The following ANTXR2 variants were observed in gnomAD, a reference collection of about 807,000 sequenced individuals.
ANTXR2 encodes anthrax toxin receptor 2.
ANTXR2 carries 44 observed loss-of-function variants against 73.7 expected under a neutral mutation model. The ratio of observed to expected loss-of-function variants is 0.60; its 90% confidence interval spans 0.47 to 0.77. The LOEUF (loss-of-function observed/expected upper bound fraction) is 0.77. Among genes scored for constraint, ANTXR2 ranks in the 30% least tolerant of loss-of-function variants. The pLI is 0.00. For synonymous variants in ANTXR2, 217 were observed against 205.9 expected (o/e 1.05, Z -0.46); for missense variants, 604 against 592.5 (o/e 1.02, Z -0.20).
Position 79,904,048 on chromosome 4 carries a change from T to C in ANTXR2, c.*3381A>G, listed in dbSNP as rs1726815588. 6.6e-6 allele frequency: 1 copy of C among 152,122 alleles called. No individual in the cohort carries two copies. The highest frequency in any genetic ancestry group is 1.5e-5 in the Non-Finnish European group (1 of 67,984). The allele number at this position is 152,122 out of a possible 1,614,324, so 9.4% of individuals were successfully genotyped here. A position where few individuals can be genotyped will look rare whatever the true frequency, so the allele number is the denominator to read the frequency against. The stretch of plus-strand genomic sequence containing the variant: ...GCCTTCTTAAATTTCAAAAATAACA[T>C]ATATAAGCTGGTCTATCAAAATGTT... On this transcript the variant is annotated 3_prime_UTR_variant, in exon 17 of 17. Coordinates refer to ENST00000403729, the MANE Select transcript of ANTXR2 (RefSeq NM_058172.6).
chr4:80,013,331 C>T (rs571895464), intron 11 of ANTXR2, among the ~76,000 whole-genome samples: 41 of 152,268 alleles, frequency 2.7e-4, no homozygotes, highest in African/African-American at 9.6e-4. Context: ...TTGTGAGAGA[C>T]GGGCAATAAG....
intron 12 of ANTXR2, 116 bp from the exon 13 acceptor site, chr4:79,984,979 G>T: frequency 1.3e-6 from 1 of 767,128 alleles, no homozygotes; most frequent in Non-Finnish European, 2.1e-6. Context: ...GTCCCTCACT[G>T]AAGCTTGCCA....
intron 7 of ANTXR2, among the ~76,000 whole-genome samples, chr4:80,052,838 A>G (rs1217436400): frequency 1.3e-5 from 2 of 151,674 alleles, no homozygotes; most frequent in African/African-American, 4.8e-5. Flanking sequence ...TCCAACAAAC[A>G]TAATAAAACA....
Position 80,041,937 on chromosome 4 carries a change from A to G in ANTXR2, c.637-5905T>C, listed in dbSNP as rs186562534. Among the ~76,000 whole-genome samples, 374 of 152,080 alleles carry G rather than the reference A, an allele frequency of 2.5e-3. 2 individuals are homozygous for G. Among genetic ancestry groups the G allele is most frequent in the African/African-American group, 8.4e-3 (350 of 41,528 alleles). ...AGTGCTGCAATAAACATACGCATGC[A>G]TGTATCTTTGTAATAGAATGTATGT... is the stretch of plus-strand genomic sequence containing the variant. On this transcript the variant is annotated intron_variant, in intron 7 of 16. Coordinates refer to ENST00000403729, the MANE Select transcript of ANTXR2 (RefSeq NM_058172.6).
chr4:79,915,291 AAACTGAC>A (rs1727299669), intron 16 of ANTXR2, among the ~76,000 whole-genome samples: 1 of 152,110 alleles, frequency 6.6e-6, no homozygotes, highest in Non-Finnish European at 1.5e-5. Flanking sequence ...GCAATATTTA[AAACTGAC>A]TTCACTGTCT....
chr4:80,027,843 G>C (rs1248109176), intron 10 of ANTXR2, among the ~76,000 whole-genome samples: 1 of 152,150 alleles, frequency 6.6e-6, no homozygotes, highest in Non-Finnish European at 1.5e-5. Context: ...CATAGAATAA[G>C]CCCACGTTGC....
intron 7 of ANTXR2, 74 bp from the exon 8 acceptor site, chr4:80,036,106 G>A (rs1732946402): frequency 8.0e-7 from 1 of 1,248,348 alleles, no homozygotes; most frequent in Non-Finnish European, 1.1e-6. Flanking sequence ...TATAAGATTA[G>A]TAATAACCTT....
rs1042573357 is a variant in ANTXR2 at position 79,904,451 on chromosome 4, T to A, written c.*2978A>T. On this transcript the variant is annotated 3_prime_UTR_variant, in exon 17 of 17. Transcript: ENST00000403729. ...TCATTGGGAAGGAAATATAAATTTT[T>A]AAAATAGAATTAACTTAGGGAAAGG... 4 of 152,234 alleles carry A rather than the reference T, an allele frequency of 2.6e-5. No individual in the cohort carries two copies. The highest frequency in any genetic ancestry group is 9.6e-5 in the African/African-American group (4 of 41,570). The allele number at this position is 152,234 out of a possible 1,614,324, so 9.4% of individuals were successfully genotyped here.
chr4:79,949,269 G>C (rs1446907134), intron 16 of ANTXR2, among the ~76,000 whole-genome samples: 1 of 152,158 alleles, frequency 6.6e-6, no homozygotes, highest in African/African-American at 2.4e-5. Context: ...GGATGACTAA[G>C]AGTTATCTGT....
rs1255925535 is a variant in ANTXR2, at chr4:79,947,775, A to G, written c.1428+29846T>C. On this transcript the variant is annotated intron_variant, in intron 16 of 16. Transcript: ENST00000403729. ...TAAGTACCTTGTCAGTAAATATTAT[A>G]AAACTCTGGAAAAGACTTCTTCCCA... is the stretch of plus-strand genomic sequence containing the variant. 2.0e-5 allele frequency among the ~76,000 whole-genome samples: 3 copies of G among 152,316 alleles called. No homozygotes were observed. In the East Asian group the frequency reaches 5.8e-4, roughly 29 times the overall value.
chr4:79,963,755 A>G (rs528653805), intron 16 of ANTXR2, among the ~76,000 whole-genome samples: 1 of 152,306 alleles, frequency 6.6e-6, no homozygotes, highest in East Asian at 1.9e-4. Context: ...TATTGTAACC[A>G]ATTCTATTAT....
At chr4:79,966,764 T>C (rs540524928) in intron 16 of ANTXR2, among the ~76,000 whole-genome samples, 38 of 152,348 alleles carry the variant, frequency 2.5e-4, no homozygotes, top group African/African-American at 8.2e-4. Flanking sequence ...TTTTTATGTT[T>C]ACATTATTTT....
chr4:80,063,264 T>G (rs576675646), intron 3 of ANTXR2, among the ~76,000 whole-genome samples: 2 of 152,276 alleles, frequency 1.3e-5, no homozygotes, highest in East Asian at 3.9e-4. Flanking sequence ...ACACAGCTAG[T>G]ATGTAGCTCC....
At position 79,901,583 on chromosome 4, in the gene ANTXR2, G is replaced by T. The variant is rs1228682679; in HGVS notation, c.*5846C>A. Reference sequence around the variant, plus strand: ...AATTTTTCCACAGACCGGGGGGTGGGGGGTGGGGATGGTTTCAGGATAATT... The same window carrying T: ...AATTTTTCCACAGACCGGGGGGTGGTGGGTGGGGATGGTTTCAGGATAATT... On this transcript the variant is annotated 3_prime_UTR_variant, in exon 17 of 17. Coordinates refer to ENST00000403729, the MANE Select transcript of ANTXR2 (RefSeq NM_058172.6). 1 of 89,272 alleles carries T rather than the reference G, an allele frequency of 1.1e-5. No homozygotes were observed. The highest frequency in any genetic ancestry group is 4.5e-5 in the African/African-American group (1 of 22,064). The allele number at this position is 89,272 out of a possible 1,614,324, so 5.5% of individuals were successfully genotyped here. A position where few individuals can be genotyped will look rare whatever the true frequency, so the allele number is the denominator to read the frequency against.
chr4:80,032,011 G>A (rs1006392687), intron 9 of ANTXR2, among the ~76,000 whole-genome samples: 37 of 151,204 alleles, frequency 2.4e-4, no homozygotes, highest in Admixed American at 4.6e-4. Context: ...CAAATGCTCC[G>A]TATTATTTTA....
chr4:79,975,035 C>T (rs533320823), intron 16 of ANTXR2, among the ~76,000 whole-genome samples: 1 of 152,190 alleles, frequency 6.6e-6, no homozygotes, highest in Admixed American at 6.5e-5. Context: ...TATCTAAACT[C>T]ACATATTTCT....
At position 79,975,598 on chromosome 4, in the gene ANTXR2, A is replaced by C. The variant is rs183347039; in HGVS notation, c.1428+2023T>G. Among the ~76,000 whole-genome samples the C allele has an allele frequency of 9.2e-5, 14 of 152,332 alleles. No homozygotes were observed. In the East Asian group the frequency reaches 1.9e-3, roughly 21 times the overall value. ...ATACCCAGCACTTAATAAGGTGAAA[A>C]TTATTGAACAAATAAACTAGTGTCT... On this transcript the variant is annotated intron_variant, in intron 16 of 16. Coordinates refer to ENST00000403729, the MANE Select transcript of ANTXR2 (RefSeq NM_058172.6).
In ANTXR2 at chr4:79,903,406, AT is replaced by A. The variant is rs1726784424; in HGVS notation, c.*4022del. 6.6e-6 allele frequency: 1 copy of A among 151,752 alleles called. No individual in the cohort carries two copies. Among genetic ancestry groups the A allele is most frequent in the Non-Finnish European group, 1.5e-5 (1 of 67,934 alleles). The allele number at this position is 151,752 out of a possible 1,614,324, so 9.4% of individuals were successfully genotyped here. On this transcript the variant is annotated 3_prime_UTR_variant, in exon 17 of 17. Transcript: ENST00000403729. The stretch of plus-strand genomic sequence containing the variant: ...ACACACAATTTACCTTAATATAGTT[AT>A]TGTAGAGCAATCTAAACAAGCATAT...
At chr4:79,996,277 A>T (rs572616909) in intron 12 of ANTXR2, among the ~76,000 whole-genome samples, 1 of 151,752 alleles carries the variant, frequency 6.6e-6, no homozygotes, top group South Asian at 2.1e-4. Context: ...AGTAGTTGTT[A>T]CTTACTTGCA....
Sources: gnomAD v4.1 joint callset for allele counts (sites outside exome capture counted in the v4.1 genomes callset) on GRCh38, gnomAD v4.1.1 for gene constraint, MANE v1.5 for transcripts, NCBI Gene and HGNC (gene_info 2026-07-23, HGNC 2026-07-21) for gene names.